The following PRKG1 variants were observed in gnomAD, a reference collection of about 807,000 sequenced individuals.
PRKG1 encodes cGMP-dependent protein kinase 1.
Under a neutral mutation model 88.1 loss-of-function variants are expected in PRKG1, and 35 were observed. That is an observed-to-expected ratio of 0.40 (90% CI 0.30 to 0.53). The LOEUF is 0.53. Ranked by LOEUF, PRKG1 falls within the 20% of genes least tolerant of loss-of-function variation. The pLI is 0.59. For synonymous variants in PRKG1, 303 were observed against 292.5 expected, an observed-to-expected ratio of 1.04 and a Z score of -0.37; for missense variants, 540 against 839.8, an observed-to-expected ratio of 0.64 and a Z score of 4.41.
chr10:51,679,511 C>T (rs1046176576), intron 3 of PRKG1, among the ~76,000 whole-genome samples: 4 of 151,968 alleles, frequency 2.6e-5, no homozygotes, highest in Admixed American at 1.3e-4. Context: ...CTTTTCATTT[C>T]GCTTTCTAAA....
intron 2 of PRKG1, among the ~76,000 whole-genome samples, chr10:51,381,915 C>T (rs1288117871): frequency 2.0e-5 from 3 of 152,076 alleles, no homozygotes; most frequent in Non-Finnish European, 2.9e-5. Context: ...CTGGGATTGC[C>T]GTAAAGTACC....
intron 4 of PRKG1, among the ~76,000 whole-genome samples, chr10:51,862,522 C>T (rs537450413): frequency 3.3e-5 from 5 of 152,132 alleles, no homozygotes; most frequent in Non-Finnish European, 5.9e-5. Context: ...AGAAGGGGCC[C>T]GAAAACAGGT....
At chr10:51,755,670 A>C (rs896303494) in intron 3 of PRKG1, among the ~76,000 whole-genome samples, 2 of 152,238 alleles carry the variant, frequency 1.3e-5, no homozygotes, top group Admixed American at 6.5e-5. Flanking sequence ...CTTTTAAGTT[A>C]CTATTCAATT....
chr10:51,570,049 G>GTATATATATATATATATATATATATA (rs10617123), intron 3 of PRKG1, among the ~76,000 whole-genome samples: 41 of 128,784 alleles, frequency 3.2e-4, no homozygotes, highest in South Asian at 1.7e-3. Context: ...ACCCAAACTA[G>GTATATATATATATATATATATATATA]TATATATATA....
chr10:51,182,072 C>A (rs1837362074), intron 2 of PRKG1, among the ~76,000 whole-genome samples: 1 of 152,076 alleles, frequency 6.6e-6, no homozygotes, highest in Admixed American at 6.5e-5. Context: ...CATTTTTTTT[C>A]CAAAATAACT....
intron 2 of PRKG1, among the ~76,000 whole-genome samples, chr10:51,456,682 A>G (rs1365290406): frequency 3.9e-5 from 6 of 152,128 alleles, no homozygotes; most frequent in African/African-American, 1.4e-4. Flanking sequence ...AATATTCACA[A>G]CCTATGCTTC....
chr10:51,901,713 T>C (rs1365213429), intron 4 of PRKG1, among the ~76,000 whole-genome samples: 1 of 152,238 alleles, frequency 6.6e-6, no homozygotes, highest in Non-Finnish European at 1.5e-5. Context: ...GAATGATTTG[T>C]CTCAAAATGG....
intron 3 of PRKG1, among the ~76,000 whole-genome samples, chr10:51,762,722 T>C (rs1273909299): frequency 1.3e-5 from 2 of 152,216 alleles, no homozygotes; most frequent in Admixed American, 1.3e-4. Flanking sequence ...TTAAAATTGC[T>C]ACTTAATTAT....
chr10:52,165,838 A>G (rs529309963), intron 9 of PRKG1, among the ~76,000 whole-genome samples: 2 of 152,328 alleles, frequency 1.3e-5, no homozygotes, highest in South Asian at 4.1e-4. Flanking sequence ...CAAAATGTAC[A>G]GACCATCCCA....
At chr10:51,159,417 T>C (rs1846306182) in intron 2 of PRKG1, among the ~76,000 whole-genome samples, 1 of 152,158 alleles carries the variant, frequency 6.6e-6, no homozygotes, top group Non-Finnish European at 1.5e-5. Flanking sequence ...TTTAGAATCG[T>C]TGAAATACAA....
intron 4 of PRKG1, among the ~76,000 whole-genome samples, chr10:51,870,510 A>G (rs1841129813): frequency 6.6e-6 from 1 of 151,844 alleles, no homozygotes; most frequent in Non-Finnish European, 1.5e-5. Context: ...AACTGCAATT[A>G]ATCTTATCAG....
At chr10:51,292,199 T>C (rs1840600338) in intron 2 of PRKG1, among the ~76,000 whole-genome samples, 1 of 152,178 alleles carries the variant, frequency 6.6e-6, no homozygotes, top group African/African-American at 2.4e-5. Context: ...AGTTGTTTGT[T>C]TATCAAGCTT....
At chr10:51,846,986 A>C (rs988124966) in intron 4 of PRKG1, among the ~76,000 whole-genome samples, 4 of 152,190 alleles carry the variant, frequency 2.6e-5, no homozygotes, top group Admixed American at 6.5e-5. Flanking sequence ...GCATCTTTAA[A>C]AAAATAAAGT....
At chr10:51,756,015 G>A (rs185842843) in intron 3 of PRKG1, among the ~76,000 whole-genome samples, 4 of 152,238 alleles carry the variant, frequency 2.6e-5, no homozygotes, top group South Asian at 4.1e-4. Flanking sequence ...CCTGGATCAC[G>A]CTTTTGAGAC....
At chr10:51,054,728 A>C (rs993972091) in intron 1 of PRKG1, among the ~76,000 whole-genome samples, 3 of 152,110 alleles carry the variant, frequency 2.0e-5, no homozygotes, top group Non-Finnish European at 4.4e-5. Flanking sequence ...CATAGTTATA[A>C]ATTCTGTAGC....
chr10:51,086,165 T>A (rs970120006), intron 1 of PRKG1, among the ~76,000 whole-genome samples: 3 of 152,222 alleles, frequency 2.0e-5, no homozygotes, highest in African/African-American at 7.2e-5. Context: ...GAAACTGTCC[T>A]CATGGAAAGC....
intron 9 of PRKG1, among the ~76,000 whole-genome samples, chr10:52,240,315 C>T (rs748325643): frequency 1.3e-5 from 2 of 152,090 alleles, no homozygotes; most frequent in African/African-American, 4.8e-5. Context: ...ATGAGAAAAA[C>T]ATCAGACTAT....
At position 52,190,286 on chromosome 10, in the gene PRKG1, G is replaced by C. The variant is rs914322525; in HGVS notation, c.1076+28323G>C. On this transcript the variant is annotated intron_variant, in intron 9 of 17. Coordinates refer to ENST00000373980, the MANE Select transcript of PRKG1 (RefSeq NM_006258.4). The stretch of plus-strand genomic sequence containing the variant: ...ATTAAAATGCTCAAGTAATTGAAAT[G>C]ACACAAATCCCAAAGAATATGGAAA... Among the ~76,000 whole-genome samples the C allele has an allele frequency of 8.5e-5, 13 of 152,072 alleles. 1 individual carries two copies.
At chr10:51,101,585 T>C (rs546431055) in intron 1 of PRKG1, among the ~76,000 whole-genome samples, 4 of 152,268 alleles carry the variant, frequency 2.6e-5, no homozygotes, top group Admixed American at 6.5e-5. Flanking sequence ...TAGTTAGCAA[T>C]GGAAGATTAA....
Sources: allele counts gnomAD v4.1 joint callset (sites outside exome capture counted in the v4.1 genomes callset), GRCh38; gene constraint gnomAD v4.1.1; transcripts MANE v1.5; gene names NCBI Gene and HGNC (gene_info 2026-07-23, HGNC 2026-07-21).